Variants in TASP1 observed in about 807,000 individuals in gnomAD.
TASP1 encodes the protein threonine aspartase 1.
Under a neutral mutation model 56.6 loss-of-function variants are expected in TASP1, and 16 were observed. That is an observed-to-expected ratio of 0.28 (90% CI 0.19 to 0.43). The LOEUF (loss-of-function observed/expected upper bound fraction) is 0.43. Among genes scored for constraint, TASP1 ranks in the 20% least tolerant of loss-of-function variants. TASP1 has a pLI of 1.00. For missense variants in TASP1, 393 were observed against 511.6 expected (o/e 0.77, Z 2.24); for synonymous variants, 179 against 184.2 (o/e 0.97, Z 0.23).
chr20:13,292,766 T>C, the TASP1 span, among the ~76,000 whole-genome samples: 3 of 152,152 alleles, frequency 2.0e-5, no homozygotes, highest in Non-Finnish European at 4.4e-5. Flanking sequence ...TCAAGTCACA[T>C]GGAATCTGTT....
chr20:13,253,551 C>T, the TASP1 span, among the ~76,000 whole-genome samples: 1 of 152,182 alleles, frequency 6.6e-6, no homozygotes, highest in East Asian at 1.9e-4. Flanking sequence ...TTGGTGAGAG[C>T]AGAGGTTCTC....
intron 13 of TASP1, among the ~76,000 whole-genome samples, chr20:13,411,618 G>A (rs1222183531): frequency 1.3e-5 from 2 of 152,088 alleles, no homozygotes; most frequent in East Asian, 1.9e-4. Context: ...TAATTTTTAC[G>A]TGTTGATTTT....
chr20:13,306,140 T>C, the TASP1 span, among the ~76,000 whole-genome samples: 2 of 152,240 alleles, frequency 1.3e-5, no homozygotes, highest in Non-Finnish European at 2.9e-5. Context: ...AATTCATGGA[T>C]GATTTTCAAA....
At chr20:13,631,176 CTATT>C (rs1377440753) in intron 1 of TASP1, among the ~76,000 whole-genome samples, 2 of 151,942 alleles carry the variant, frequency 1.3e-5, no homozygotes, top group Admixed American at 1.3e-4. Context: ...GTTTAAGAGT[CTATT>C]TAATTTTTAT....
the TASP1 span, chr20:13,279,997 C>G: frequency 7.4e-6 from 9 of 1,221,836 alleles, no homozygotes; most frequent in Non-Finnish European, 1.0e-5. Context: ...GAGCATGTGG[C>G]TTTTGGTCTT....
At chr20:13,540,912 C>A (rs987709830) in intron 8 of TASP1, among the ~76,000 whole-genome samples, 6 of 150,718 alleles carry the variant, frequency 4.0e-5, no homozygotes, top group African/African-American at 1.2e-4. Flanking sequence ...AATGTACTAT[C>A]TTAAAAAACA....
the TASP1 span, among the ~76,000 whole-genome samples, chr20:13,234,738 C>T: frequency 4.6e-5 from 7 of 151,926 alleles, no homozygotes; most frequent in East Asian, 1.3e-3. Flanking sequence ...TGTTTGTTGT[C>T]CTCTTGTATG....
chr20:13,636,669 A>C (rs2049322380), intron 1 of TASP1, among the ~76,000 whole-genome samples: 1 of 152,074 alleles, frequency 6.6e-6, no homozygotes, highest in South Asian at 2.1e-4. Context: ...GAGCAACCTA[A>C]ATGTCCAATA....
chr20:13,576,539 T>C (rs756755785), intron 6 of TASP1, among the ~76,000 whole-genome samples: 1 of 151,942 alleles, frequency 6.6e-6, no homozygotes, highest in Non-Finnish European at 1.5e-5. Context: ...TTAATTTCCA[T>C]TTACCACAGC....
At chr20:13,345,916 T>TAAAAAAA in the TASP1 span, among the ~76,000 whole-genome samples, 9 of 101,326 alleles carry the variant, frequency 8.9e-5, no homozygotes, top group Non-Finnish European at 1.3e-4. Flanking sequence ...CTCAGTAGGT[T>TAAAAAAA]AAAAAAAAAA....
chr20:13,358,016 C>A, the TASP1 span, among the ~76,000 whole-genome samples: 6 of 152,108 alleles, frequency 3.9e-5, no homozygotes, highest in African/African-American at 1.4e-4. Flanking sequence ...GAAATTCCCC[C>A]ACAAAAGAAG....
chr20:13,559,317 C>A (rs2070306), intron 7 of TASP1, among the ~76,000 whole-genome samples: 89,968 of 151,810 alleles, frequency 0.59, 27,550 homozygotes, highest in Non-Finnish European at 0.67. Context: ...GAAAATGGTC[C>A]AACCCAGAGA....
At chr20:13,404,434 C>T (rs1045376010) in intron 13 of TASP1, among the ~76,000 whole-genome samples, 2 of 152,094 alleles carry the variant, frequency 1.3e-5, no homozygotes, top group African/African-American at 4.8e-5. Flanking sequence ...ATAGCAAGAC[C>T]TCATCTCTAC....
At chr20:13,218,353 G>A in the TASP1 span, among the ~76,000 whole-genome samples, 2 of 151,610 alleles carry the variant, frequency 1.3e-5, no homozygotes, top group African/African-American at 4.8e-5. Context: ...AAGGAAAAAA[G>A]CTCTTCACAG....
the TASP1 span, among the ~76,000 whole-genome samples, chr20:13,238,558 T>C: frequency 6.6e-6 from 1 of 152,212 alleles, no homozygotes; most frequent in Non-Finnish European, 1.5e-5. Flanking sequence ...CACAGACTTA[T>C]TAGCATTTCC....
At chr20:13,504,690 A>G (rs1037993549) in intron 10 of TASP1, among the ~76,000 whole-genome samples, 5 of 152,168 alleles carry the variant, frequency 3.3e-5, no homozygotes, top group Admixed American at 1.3e-4. Context: ...ACATAAAAAG[A>G]TGTAAATTGT....
In TASP1 at chr20:13,390,431, G is replaced by A. The variant is rs1159769929; in HGVS notation, c.1192C>T (p.Pro398Ser). ...ACAGACTGTCCTGCCACCGCACCAG[G>A]AGGAAGTCTTGAAATGTGAGTCTGC... ...KAKTHISRLPPGAVAGQSVAI... is the reference protein window; with the variant it reads ...KAKTHISRLPSGAVAGQSVAI... Residue 398 changes from proline to serine, a missense_variant, in exon 14 of 14, where the codon CCT becomes TCT. Transcript: ENST00000337743. The A allele has an allele frequency of 6.2e-7, 1 of 1,613,848 alleles. No individual in the cohort carries two copies. Among genetic ancestry groups the A allele is most frequent in the Non-Finnish European group, 8.5e-7 (1 of 1,179,892 alleles).
At chr20:13,188,556 T>A in the TASP1 span, among the ~76,000 whole-genome samples, 2 of 152,182 alleles carry the variant, frequency 1.3e-5, no homozygotes, top group African/African-American at 4.8e-5. Flanking sequence ...AATGGAAAGA[T>A]ATCTCATGTT....
chr20:13,136,668 A>G, the TASP1 span, among the ~76,000 whole-genome samples: 1 of 147,536 alleles, frequency 6.8e-6, no homozygotes, highest in African/African-American at 2.5e-5. Flanking sequence ...AAAGTTATAT[A>G]TTATATACTT....
Sources: gnomAD v4.1 joint callset for allele counts (sites outside exome capture counted in the v4.1 genomes callset) on GRCh38, gnomAD v4.1.1 for gene constraint, MANE v1.5 for transcripts, NCBI Gene and HGNC (gene_info 2026-07-23, HGNC 2026-07-21) for gene names.